Variants in ATRNL1 observed in about 807,000 individuals in gnomAD.
ATRNL1 encodes the protein attractin-like protein 1.
Under a neutral mutation model 182.7 loss-of-function variants are expected in ATRNL1, and 95 were observed. The observed-to-expected ratio is 0.52, with a 90% CI of 0.44 to 0.62. The LOEUF is 0.62. Ranked by LOEUF, ATRNL1 falls within the 20% of genes least tolerant of loss-of-function variation. The probability of loss-of-function intolerance (pLI) is 0.00; values close to 1 mark genes in which losing one functional copy is unlikely to be tolerated. For synonymous variants in ATRNL1, 576 were observed against 568.3 expected, an observed-to-expected ratio of 1.01 and a Z score of -0.19; for missense variants, 1,471 against 1,679.5, an observed-to-expected ratio of 0.88 and a Z score of 2.17.
chr10:115,342,208 C>T (rs1449197277), intron 19 of ATRNL1, among the ~76,000 whole-genome samples: 4 of 152,008 alleles, frequency 2.6e-5, no homozygotes, highest in East Asian at 1.9e-4. Context: ...TACATTATAA[C>T]CCATTATTTA....
intron 25 of ATRNL1, among the ~76,000 whole-genome samples, chr10:115,545,356 G>A (rs1022581302): frequency 6.6e-6 from 1 of 151,360 alleles, no homozygotes; most frequent in African/African-American, 2.4e-5. Flanking sequence ...GAGATTATGA[G>A]AATATTATTT....
intron 13 of ATRNL1, among the ~76,000 whole-genome samples, chr10:115,269,744 A>T (rs1254789769): frequency 6.6e-6 from 1 of 152,136 alleles, no homozygotes; most frequent in African/African-American, 2.4e-5. Flanking sequence ...TTATTACTGA[A>T]AGTATCTACT....
intron 9 of ATRNL1, among the ~76,000 whole-genome samples, chr10:115,219,777 C>T (rs1462226430): frequency 1.3e-5 from 2 of 152,052 alleles, no homozygotes; most frequent in Non-Finnish European, 2.9e-5. Flanking sequence ...ATGGCACACA[C>T]CTGTAGTCCC....
intron 18 of ATRNL1, among the ~76,000 whole-genome samples, chr10:115,318,245 A>G (rs1386390614): frequency 4.0e-5 from 6 of 151,544 alleles, no homozygotes; most frequent in African/African-American, 1.5e-4. Context: ...GATGAAGTTG[A>G]CTTCTGGTGG....
intron 27 of ATRNL1, among the ~76,000 whole-genome samples, chr10:115,734,951 ATAAATCTTGCTTCCAATTTAAGAACAATT>A (rs1195162586): frequency 2.6e-5 from 4 of 152,312 alleles, no homozygotes; most frequent in South Asian, 4.1e-4. Context: ...CCCAAACAAT[ATAAATCTTGCTTCCAATTTAAGAACAATT>A]TAAATCTTGC....
chr10:115,177,209 A>C (rs1554886900), intron 8 of ATRNL1, among the ~76,000 whole-genome samples: 1 of 152,162 alleles, frequency 6.6e-6, no homozygotes, highest in African/African-American at 2.4e-5. Context: ...CATTGAATTT[A>C]GCACTGTGCA....
chr10:115,684,258 A>G (rs1487520457), intron 26 of ATRNL1, among the ~76,000 whole-genome samples: 5 of 151,214 alleles, frequency 3.3e-5, no homozygotes, highest in Admixed American at 6.6e-5. Context: ...TCTTAACAAG[A>G]TATTTCTACA....
chr10:115,481,506 A>G (rs191967082), intron 24 of ATRNL1, among the ~76,000 whole-genome samples: 207 of 150,912 alleles, frequency 1.4e-3, no homozygotes, highest in Middle Eastern at 6.8e-3. Flanking sequence ...TTTTATCTAA[A>G]TTTTTATAAA....
At chr10:115,219,915 AAG>A (rs576113531) in intron 9 of ATRNL1, among the ~76,000 whole-genome samples, 7 of 151,752 alleles carry the variant, frequency 4.6e-5, no homozygotes, top group African/African-American at 1.7e-4. Context: ...AAAAACAAAA[AAG>A]AGAGAGAGAG....
intron 24 of ATRNL1, among the ~76,000 whole-genome samples, chr10:115,471,919 T>C (rs1448314513): frequency 2.6e-5 from 4 of 151,068 alleles, no homozygotes; most frequent in African/African-American, 7.3e-5. Flanking sequence ...AAAAAAATCA[T>C]TGATAAAGCC....
intron 28 of ATRNL1, among the ~76,000 whole-genome samples, chr10:115,870,964 A>G (rs1589629651): frequency 6.6e-6 from 1 of 152,328 alleles, no homozygotes; most frequent in South Asian, 2.1e-4. Context: ...ATTTCCTACT[A>G]TTATTATTTC....
At chr10:115,847,045 T>C (rs1472113243) in intron 27 of ATRNL1, among the ~76,000 whole-genome samples, 2 of 152,074 alleles carry the variant, frequency 1.3e-5, no homozygotes, top group Non-Finnish European at 2.9e-5. Context: ...TACTCTATGT[T>C]ATTTCTAAAG....
intron 9 of ATRNL1, among the ~76,000 whole-genome samples, chr10:115,223,729 A>C (rs1849561798): frequency 6.6e-6 from 1 of 151,536 alleles, no homozygotes; most frequent in Admixed American, 6.6e-5. Flanking sequence ...CTGGGTTTTA[A>C]TGCAAGTCTT....
At chr10:115,475,612 C>CTA (rs1459990920) in intron 24 of ATRNL1, among the ~76,000 whole-genome samples, 1 of 151,366 alleles carries the variant, frequency 6.6e-6, no homozygotes, top group East Asian at 1.9e-4. Context: ...ATTACCCAAT[C>CTA]TATAAAATGA....
At chr10:115,227,532 T>A (rs1346284758) in intron 9 of ATRNL1, among the ~76,000 whole-genome samples, 1 of 151,794 alleles carries the variant, frequency 6.6e-6, no homozygotes, top group African/African-American at 2.4e-5. Context: ...AGAACTGAGC[T>A]ACCATTTGAC....
chr10:115,937,787 A>T (rs1056269305), intron 28 of ATRNL1, among the ~76,000 whole-genome samples: 1 of 152,228 alleles, frequency 6.6e-6, no homozygotes, highest in Admixed American at 6.5e-5. Flanking sequence ...TAGCCATTAA[A>T]GGTTTAAAAG....
At chr10:115,651,523 C>T (rs11197377) in intron 26 of ATRNL1, among the ~76,000 whole-genome samples, 42,356 of 151,970 alleles carry the variant, frequency 0.28, 6,884 homozygotes, top group East Asian at 0.58. Context: ...AATTTAATCA[C>T]GATGTATCTA....
chr10:115,872,365 G>A (rs1951604722), intron 28 of ATRNL1, among the ~76,000 whole-genome samples: 1 of 152,100 alleles, frequency 6.6e-6, no homozygotes. Flanking sequence ...TTCAGAAGTG[G>A]GTACTGTCCA....
At chr10:115,729,621 A>G (rs1051853272) in intron 27 of ATRNL1, among the ~76,000 whole-genome samples, 1 of 151,028 alleles carries the variant, frequency 6.6e-6, no homozygotes, top group Non-Finnish European at 1.5e-5. Flanking sequence ...AATATTGCAT[A>G]TTCTATTTTT....
Sources: gnomAD v4.1 joint callset for allele counts (sites outside exome capture counted in the v4.1 genomes callset) on GRCh38, gnomAD v4.1.1 for gene constraint, MANE v1.5 for transcripts, NCBI Gene and HGNC (gene_info 2026-07-23, HGNC 2026-07-21) for gene names.